The following GRM3 variants were observed in gnomAD, a reference collection of about 807,000 sequenced individuals.
GRM3 encodes glutamate metabotropic receptor 3.
In GRM3, 26 loss-of-function variants were observed where a neutral mutation model predicts 70.5. The observed-to-expected ratio is 0.37, with a 90% CI of 0.27 to 0.51. The LOEUF is 0.51. Ranked by LOEUF, GRM3 falls within the 20% of genes least tolerant of loss-of-function variation. GRM3 has a pLI of 0.93. For synonymous variants in GRM3, 443 were observed against 434.9 expected, an observed-to-expected ratio of 1.02 and a Z score of -0.23; for missense variants, 859 against 1,123.8, an observed-to-expected ratio of 0.76 and a Z score of 3.37.
chr7:86,773,354 TA>T (rs1198899392), intron 2 of GRM3, among the ~76,000 whole-genome samples: 1 of 151,360 alleles, frequency 6.6e-6, no homozygotes. Flanking sequence ...CATTACCTTT[TA>T]TTTATTTATT....
At chr7:86,679,665 G>A (rs1794396628) in intron 1 of GRM3, among the ~76,000 whole-genome samples, 2 of 151,940 alleles carry the variant, frequency 1.3e-5, no homozygotes, top group Non-Finnish European at 2.9e-5. Context: ...ACCCATTCCT[G>A]TCCTCATTCC....
At chr7:86,717,701 TG>T (rs1344102605) in intron 1 of GRM3, among the ~76,000 whole-genome samples, 3 of 151,944 alleles carry the variant, frequency 2.0e-5, no homozygotes, top group Admixed American at 1.3e-4. Flanking sequence ...AAATCCTCCG[TG>T]TTACTTGAAG....
chr7:86,766,241 G>A (rs549174454), intron 2 of GRM3, among the ~76,000 whole-genome samples: 1 of 151,976 alleles, frequency 6.6e-6, no homozygotes, highest in Admixed American at 6.6e-5. Context: ...TCAAACACAG[G>A]AAGGCATAAT....
Position 86,765,126 on chromosome 7 carries a change from G to A in GRM3, c.-20G>A. On this transcript the variant is annotated 5_prime_UTR_variant, in exon 2 of 6. Transcript: ENST00000361669. ...TTGGCTCCACCATTGATATCTCCCA[G>A]AGGTACAGAAACAGGATTCATGAAG... The A allele has an allele frequency of 6.5e-7, 1 of 1,547,060 alleles. No individual in the cohort carries two copies. The highest frequency in any genetic ancestry group is 8.7e-7 in the Non-Finnish European group (1 of 1,152,514).
rs544096257 is a variant in GRM3 at position 86,653,021 on chromosome 7, A to C, written c.-141+8149A>C. ...AGACTGCTATAATGAAATACCATAGACCAGGTAGCTTAAACAACAAACATT... is the reference window on the plus strand; with the variant it reads ...AGACTGCTATAATGAAATACCATAGCCCAGGTAGCTTAAACAACAAACATT... On this transcript the variant is annotated intron_variant, in intron 1 of 5. Transcript: ENST00000361669. Among the ~76,000 whole-genome samples the C allele has an allele frequency of 1.7e-3, 260 of 152,366 alleles. 1 individual carries two copies. The highest frequency in any genetic ancestry group is 5.8e-3 in the African/African-American group (241 of 41,580).
intron 4 of GRM3, among the ~76,000 whole-genome samples, chr7:86,841,426 G>A (rs1019909562): frequency 1.3e-5 from 2 of 152,152 alleles, no homozygotes; most frequent in Admixed American, 6.6e-5. Context: ...ATGAACTACA[G>A]GGGAGTTGGA....
At chr7:86,778,713 A>G (rs79397009) in intron 2 of GRM3, among the ~76,000 whole-genome samples, 5,075 of 152,290 alleles carry the variant, frequency 0.033, 278 homozygotes, top group African/African-American at 0.12. Flanking sequence ...ACATGTGATA[A>G]ATCAACACAC....
intron 1 of GRM3, among the ~76,000 whole-genome samples, chr7:86,680,373 A>G (rs1181926925): frequency 7.0e-6 from 1 of 143,014 alleles, no homozygotes; most frequent in African/African-American, 2.7e-5. Context: ...GTTGTGAAGA[A>G]CACTTTCAGA....
intron 1 of GRM3, among the ~76,000 whole-genome samples, chr7:86,756,178 A>G (rs542018647): frequency 1.3e-5 from 2 of 152,272 alleles, no homozygotes; most frequent in Admixed American, 6.5e-5. Context: ...TCCTGGGTTC[A>G]AGTGATTCTC....
intron 1 of GRM3, among the ~76,000 whole-genome samples, chr7:86,661,973 C>T (rs1793905578): frequency 6.6e-6 from 1 of 151,568 alleles, no homozygotes; most frequent in Admixed American, 6.6e-5. Flanking sequence ...AATATTTTTT[C>T]CCAAAAACCT....
chr7:86,703,442 A>T (rs1794989703), intron 1 of GRM3, among the ~76,000 whole-genome samples: 1 of 152,012 alleles, frequency 6.6e-6, no homozygotes, highest in East Asian at 1.9e-4. Context: ...GAAACTGAGT[A>T]GACAGGAGAG....
At position 86,864,374 on chromosome 7, in the gene GRM3, T is replaced by G; in HGVS notation, c.*19T>G. The G allele has an allele frequency of 6.3e-7, 1 of 1,596,242 alleles. No individual in the cohort carries two copies. The highest frequency in any genetic ancestry group is 2.2e-5 in the East Asian group (1 of 44,758). The stretch of plus-strand genomic sequence containing the variant: ...TCTGTGATTGTGAATTGCAGTTCAG[T>G]TCTTGTGTTTTTAGACTGTTAGACA... On this transcript the variant is annotated 3_prime_UTR_variant, in exon 6 of 6. Coordinates refer to ENST00000361669, the MANE Select transcript of GRM3 (RefSeq NM_000840.3).
At chr7:86,757,516 G>A (rs969605590) in intron 1 of GRM3, among the ~76,000 whole-genome samples, 11 of 152,044 alleles carry the variant, frequency 7.2e-5, no homozygotes, top group African/African-American at 1.9e-4. Flanking sequence ...TCTGCACTCC[G>A]GCTGGCTTGG....
At position 86,728,002 on chromosome 7, in the gene GRM3, A is replaced by G. The variant is rs529747774; in HGVS notation, c.-140-37004A>G. On this transcript the variant is annotated intron_variant, in intron 1 of 5. Coordinates refer to ENST00000361669, the MANE Select transcript of GRM3 (RefSeq NM_000840.3). Reference sequence around the variant, plus strand: ...GCCAACCCATGAGCTAAACATCAAGAGGTGGAATATTTAAAATAAAGTGTA... The same window carrying G: ...GCCAACCCATGAGCTAAACATCAAGGGGTGGAATATTTAAAATAAAGTGTA... 7.2e-4 allele frequency among the ~76,000 whole-genome samples: 109 copies of G among 152,334 alleles called. 1 individual carries two copies. The highest frequency in any genetic ancestry group is 2.2e-3 in the African/African-American group (90 of 41,574).
intron 3 of GRM3, among the ~76,000 whole-genome samples, chr7:86,837,448 T>C (rs978547386): frequency 3.3e-5 from 5 of 152,208 alleles, no homozygotes; most frequent in African/African-American, 9.7e-5. Context: ...GGTCAGACAC[T>C]GCAGCGTCCT....
At chr7:86,759,646 C>A (rs1045856437) in intron 1 of GRM3, among the ~76,000 whole-genome samples, 1 of 151,926 alleles carries the variant, frequency 6.6e-6, no homozygotes, top group African/African-American at 2.4e-5. Flanking sequence ...AAATAAAACA[C>A]AAGACAAAAT....
chr7:86,762,214 T>C (rs1796496523), intron 1 of GRM3, among the ~76,000 whole-genome samples: 1 of 152,150 alleles, frequency 6.6e-6, no homozygotes, highest in Non-Finnish European at 1.5e-5. Flanking sequence ...TACTACAGTA[T>C]CAACTTTTTA....
chr7:86,753,504 T>A (rs182083658), intron 1 of GRM3, among the ~76,000 whole-genome samples: 2 of 152,248 alleles, frequency 1.3e-5, no homozygotes, highest in East Asian at 3.9e-4. Context: ...CATATACACA[T>A]GCATACACAC....
chr7:86,644,487 G>A lies in GRM3; in HGVS notation c.-526G>A, dbSNP rs1793403737. ...TGATAAGAGAAGGAGGAGGGGACTC[G>A]GCTGGGAAGAGCTCCCCTCCCCTCC... On this transcript the variant is annotated 5_prime_UTR_variant, in exon 1 of 6. Transcript: ENST00000361669. The A allele has an allele frequency of 2.8e-6, 1 of 353,454 alleles. No homozygotes were observed. The highest frequency in any genetic ancestry group is 5.6e-6 in the Non-Finnish European group (1 of 179,168). 21.9% of individuals were successfully genotyped at this position (353,454 alleles called of 1,614,324 possible). A position where few individuals can be genotyped will look rare whatever the true frequency, so the allele number is the denominator to read the frequency against.
Sources: gnomAD v4.1 joint callset for allele counts (sites outside exome capture counted in the v4.1 genomes callset) on GRCh38, gnomAD v4.1.1 for gene constraint, MANE v1.5 for transcripts, NCBI Gene and HGNC (gene_info 2026-07-23, HGNC 2026-07-21) for gene names.